CLSTN2: variants seen among roughly 807,000 people sequenced by gnomAD.
CLSTN2 encodes the protein calsyntenin-2.
CLSTN2 carries 48 observed loss-of-function variants against 101.2 expected under a neutral mutation model. The observed-to-expected ratio is 0.47, with a 90% CI of 0.38 to 0.60. The LOEUF is 0.60. CLSTN2 is among the 20% of genes least tolerant of loss of function. The pLI is 0.00. For missense variants in CLSTN2, 1,160 were observed against 1,238.2 expected (o/e 0.94, Z 0.95); for synonymous variants, 481 against 463.6 (o/e 1.04, Z -0.48).
chr3:140,015,279 C>T (rs1331322999), intron 1 of CLSTN2, among the ~76,000 whole-genome samples: 4 of 152,210 alleles, frequency 2.6e-5, no homozygotes, highest in African/African-American at 7.2e-5. Flanking sequence ...ACAGAGTATA[C>T]CCCTAGGCAT....
intron 1 of CLSTN2, among the ~76,000 whole-genome samples, chr3:140,128,416 G>T (rs1208216132): frequency 6.6e-6 from 1 of 152,164 alleles, no homozygotes; most frequent in Non-Finnish European, 1.5e-5. Flanking sequence ...GAAACAGATG[G>T]CACATTCAAA....
chr3:140,221,946 A>T (rs1559810467), intron 2 of CLSTN2, among the ~76,000 whole-genome samples: 1 of 152,280 alleles, frequency 6.6e-6, no homozygotes, highest in South Asian at 2.1e-4. Context: ...CTACCATATG[A>T]TACAGCAGTC....
intron 1 of CLSTN2, among the ~76,000 whole-genome samples, chr3:140,161,394 A>C (rs1172893115): frequency 1.3e-5 from 2 of 151,996 alleles, no homozygotes; most frequent in East Asian, 3.8e-4. Context: ...AAAGATATAA[A>C]GACTGTGATT....
chr3:140,553,169 G>A (rs528499402), intron 10 of CLSTN2, among the ~76,000 whole-genome samples: 8 of 152,170 alleles, frequency 5.3e-5, no homozygotes, highest in South Asian at 4.2e-4. Context: ...GTGAGACACC[G>A]CTCCTCAGGA....
chr3:140,354,331 T>C (rs114272259), intron 2 of CLSTN2, among the ~76,000 whole-genome samples: 96 of 152,330 alleles, frequency 6.3e-4, no homozygotes, highest in African/African-American at 2.0e-3. Context: ...TAAGATTCCG[T>C]ACATATAATG....
chr3:140,307,138 C>T (rs1279426594), intron 2 of CLSTN2, among the ~76,000 whole-genome samples: 3 of 152,126 alleles, frequency 2.0e-5, no homozygotes, highest in Non-Finnish European at 2.9e-5. Context: ...ATGACTTGCT[C>T]CTCCTTGCCT....
intron 5 of CLSTN2, among the ~76,000 whole-genome samples, chr3:140,440,003 A>G (rs1324604724): frequency 6.6e-6 from 1 of 152,240 alleles, no homozygotes; most frequent in Non-Finnish European, 1.5e-5. Flanking sequence ...CAGGCATTGA[A>G]CAGTGATGTA....
At chr3:140,158,035 C>T (rs1448550798) in intron 1 of CLSTN2, among the ~76,000 whole-genome samples, 1 of 152,114 alleles carries the variant, frequency 6.6e-6, no homozygotes, top group African/African-American at 2.4e-5. Flanking sequence ...CCTCAACAGA[C>T]TAGGAATCAA....
chr3:140,566,877 C>T lies in CLSTN2; in HGVS notation c.*624C>T, dbSNP rs1985273792. ...CTTTCCCCTTGCTTCTTTCTGAGGC[C>T]ATATAAGCTTATAAGAAAAGTCCCA... On this transcript the variant is annotated 3_prime_UTR_variant, in exon 17 of 17. Transcript: ENST00000458420. The T allele has an allele frequency of 6.5e-6, 1 of 153,160 alleles. No homozygotes were observed. Among genetic ancestry groups the T allele is most frequent in the Non-Finnish European group, 1.5e-5 (1 of 68,866 alleles). 9.5% of individuals were successfully genotyped at this position (153,160 alleles called of 1,614,324 possible). A position where few individuals can be genotyped will look rare whatever the true frequency, so the allele number is the denominator to read the frequency against.
chr3:140,486,260 A>T (rs564182726), intron 8 of CLSTN2, among the ~76,000 whole-genome samples: 1 of 134,198 alleles, frequency 7.5e-6, no homozygotes, highest in South Asian at 2.3e-4. Flanking sequence ...AGAATGAAAA[A>T]CAGATTCATA....
At chr3:140,459,459 C>A (rs927089342) in intron 6 of CLSTN2, 62 bp from the exon 7 acceptor site, 1 of 1,586,400 alleles carries the variant, frequency 6.3e-7, no homozygotes, top group African/African-American at 1.3e-5. Context: ...GACCCAGGAG[C>A]AGAAAACAGA....
chr3:140,152,820 G>T (rs150221741), intron 1 of CLSTN2, among the ~76,000 whole-genome samples: 1 of 152,300 alleles, frequency 6.6e-6, no homozygotes, highest in Non-Finnish European at 1.5e-5. Flanking sequence ...CCTGCTCCAT[G>T]CTTAGTGGAG....
intron 7 of CLSTN2, chr3:140,462,873 G>T (rs1933595537): frequency 6.6e-6 from 1 of 152,188 alleles, no homozygotes; most frequent in Admixed American, 6.5e-5. Flanking sequence ...GAACACAGAA[G>T]GATTTTATTG....
chr3:140,087,715 A>G (rs1405819162), intron 1 of CLSTN2, among the ~76,000 whole-genome samples: 1 of 152,214 alleles, frequency 6.6e-6, no homozygotes, highest in Non-Finnish European at 1.5e-5. Flanking sequence ...TTTAGGTTCT[A>G]TGGGGCTCCC....
chr3:139,998,339 T>TTTTTTTTTTTC, intron 1 of CLSTN2, among the ~76,000 whole-genome samples: 1 of 100,566 alleles, frequency 9.9e-6, no homozygotes, highest in Non-Finnish European at 2.0e-5. Context: ...CACATGCCTT[T>TTTTTTTTTTTC]TTTTTTTTTT....
At chr3:140,360,936 A>C (rs1299463232) in intron 2 of CLSTN2, among the ~76,000 whole-genome samples, 1 of 152,218 alleles carries the variant, frequency 6.6e-6, no homozygotes, top group Non-Finnish European at 1.5e-5. Flanking sequence ...ATACTTAAAG[A>C]AGAAGTAATG....
intron 8 of CLSTN2, among the ~76,000 whole-genome samples, chr3:140,528,293 T>C (rs1331585486): frequency 2.6e-5 from 4 of 152,116 alleles, no homozygotes; most frequent in East Asian, 1.9e-4. Context: ...AGATCTCCCA[T>C]TGCCTACAGA....
intron 1 of CLSTN2, among the ~76,000 whole-genome samples, chr3:140,133,409 C>T (rs2009552992): frequency 6.6e-6 from 1 of 152,208 alleles, no homozygotes; most frequent in East Asian, 1.9e-4. Flanking sequence ...TGAAACTACA[C>T]AGAGGCCTGA....
At chr3:140,337,932 A>G (rs1051808643) in intron 2 of CLSTN2, among the ~76,000 whole-genome samples, 1 of 152,230 alleles carries the variant, frequency 6.6e-6, no homozygotes, top group Non-Finnish European at 1.5e-5. Flanking sequence ...ATGATGCCCA[A>G]CTTACTAAGA....
Sources: gnomAD v4.1 joint callset for allele counts (sites outside exome capture counted in the v4.1 genomes callset) on GRCh38, gnomAD v4.1.1 for gene constraint, MANE v1.5 for transcripts, NCBI Gene and HGNC (gene_info 2026-07-23, HGNC 2026-07-21) for gene names.